The following CACNB1 variants were observed in gnomAD, a reference collection of about 807,000 sequenced individuals.
CACNB1 encodes the protein voltage-dependent L-type calcium channel subunit beta-1.
Under a neutral mutation model 71.6 loss-of-function variants are expected in CACNB1, and 29 were observed. The ratio of observed to expected loss-of-function variants is 0.40; its 90% CI spans 0.30 to 0.55. CACNB1 has a LOEUF of 0.55. CACNB1 is among the 20% of genes least tolerant of loss of function. CACNB1 has a pLI of 0.38. For missense variants in CACNB1, 623 were observed against 801.8 expected (o/e 0.78, Z 2.69); for synonymous variants, 300 against 319.6 (o/e 0.94, Z 0.65).
Position 39,194,993 on chromosome 17 carries a change from A to T in CACNB1, c.85-23T>A, listed in dbSNP as rs748541824. 1.9e-6 allele frequency: 3 copies of T among 1,560,188 alleles called. No individual in the cohort carries two copies. The South Asian group carries it at 3.4e-5, about 18-fold the overall frequency. ...GCCCTGAAGAGGCCAGGAAAGGAACAAGAGTAGAATCAGAAGGGCCCTTTC... is the reference window on the plus strand; with the variant it reads ...GCCCTGAAGAGGCCAGGAAAGGAACTAGAGTAGAATCAGAAGGGCCCTTTC... On this transcript the variant is annotated intron_variant, in intron 1 of 13. Transcript: ENST00000394303. The surrounding 1 kb of genome is among the most constrained non-coding windows in gnomAD (Gnocchi z 4.6).
intron 3 of CACNB1, among the ~76,000 whole-genome samples, chr17:39,190,425 T>G (rs1046513071): frequency 1.3e-5 from 2 of 151,920 alleles, no homozygotes; most frequent in African/African-American, 4.8e-5. Context: ...ATATTTAAAT[T>G]TATTTATTAT....
In CACNB1 at chr17:39,186,226, G is replaced by A. The variant is rs570173756; in HGVS notation, c.628+270C>T. ...GATGGGGAAAAAAGAAAGAAGAAGA[G>A]GTGAATGGAACAGGGCTGGGAGAAA... On this transcript the variant is annotated intron_variant, in intron 6 of 13. Coordinates refer to ENST00000394303, the MANE Select transcript of CACNB1 (RefSeq NM_000723.5). This position sits in a 1 kb window ranked among gnomAD's most constrained non-coding sequence, Gnocchi z 4.1. 3.7e-6 allele frequency: 3 copies of A among 817,412 alleles called. No homozygotes were observed. The highest frequency in any genetic ancestry group is 2.5e-5 in the East Asian group (1 of 39,756). The allele number at this position is 817,412 out of a possible 1,614,324, so 50.6% of individuals were successfully genotyped here.
At chr17:39,193,402 T>G in intron 2 of CACNB1, 1 of 419,208 alleles carries the variant, frequency 2.4e-6, no homozygotes, top group South Asian at 1.6e-5. Flanking sequence ...TCAGCTTTCC[T>G]GAGAGGCTGT....
intron 6 of CACNB1, chr17:39,185,989 G>T: frequency 6.2e-7 from 1 of 1,613,566 alleles, no homozygotes. Context: ...GGGGTGGCGG[G>T]GTGGTGACAC....
At position 39,186,112 on chromosome 17, in the gene CACNB1, G is replaced by A. The variant is rs369154977; in HGVS notation, c.628+384C>T. The stretch of plus-strand genomic sequence containing the variant: ...AGTTAGTCATTTCATTACCTGGACC[G>A]GAGAGTCAGGAGAGAGGGAGGAGGG... On this transcript the variant is annotated intron_variant, in intron 6 of 13. Transcript: ENST00000394303. The surrounding 1 kb of genome is among the most constrained non-coding windows in gnomAD (Gnocchi z 4.1). 1.4e-5 allele frequency: 23 copies of A among 1,612,302 alleles called. No individual in the cohort carries two copies. The highest frequency in any genetic ancestry group is 1.3e-4 in the African/African-American group (10 of 74,858).
Position 39,184,016 on chromosome 17 carries a change from CAGG to C in CACNB1, c.898+12_898+14del. 1 of 1,593,106 alleles carries C rather than the reference CAGG, an allele frequency of 6.3e-7. No homozygotes were observed. Among genetic ancestry groups the C allele is most frequent in the Non-Finnish European group, 8.6e-7 (1 of 1,161,238 alleles). On this transcript the variant is annotated intron_variant, in intron 10 of 13. Coordinates refer to ENST00000394303, the MANE Select transcript of CACNB1 (RefSeq NM_000723.5). ...GCCCAGAAAGGGGGAGTGAAGACAG[CAGG>C]AGTAGGCTCACCCAGGCTGGAGCGT...
At chr17:39,187,018 C>T in intron 4 of CACNB1, 89 bp from the exon 5 acceptor site, 2 of 1,436,418 alleles carry the variant, frequency 1.4e-6, no homozygotes, top group Non-Finnish European at 9.7e-7. Flanking sequence ...AACGCCCAGA[C>T]TCACCTCCCA....
chr17:39,195,900 C>T (rs2046191934), intron 1 of CACNB1, among the ~76,000 whole-genome samples: 1 of 152,130 alleles, frequency 6.6e-6, no homozygotes, highest in Non-Finnish European at 1.5e-5. Context: ...GTCTCAGAGA[C>T]CGGGTGGAGG....
intron 11 of CACNB1, among the ~76,000 whole-genome samples, chr17:39,182,013 T>C (rs988467253): frequency 1.3e-5 from 2 of 151,766 alleles, no homozygotes; most frequent in African/African-American, 2.4e-5. Flanking sequence ...ATATAAAAAT[T>C]AGCCAGGTGT....
In CACNB1 at chr17:39,194,789, G is replaced by A. The variant is rs1230164698; in HGVS notation, c.171+95C>T. 8 of 818,766 alleles carry A rather than the reference G, an allele frequency of 9.8e-6. No individual in the cohort carries two copies. The highest frequency in any genetic ancestry group is 1.6e-5 in the South Asian group (1 of 62,100). 50.7% of individuals were successfully genotyped at this position (818,766 alleles called of 1,614,324 possible). A position where few individuals can be genotyped will look rare whatever the true frequency, so the allele number is the denominator to read the frequency against. ...TCCAGGCAGGTGACAAATGGCACAG[G>A]GAAGGGTGCCTGGACAATACCGCAG... On this transcript the variant is annotated intron_variant, in intron 2 of 13. Coordinates refer to ENST00000394303, the MANE Select transcript of CACNB1 (RefSeq NM_000723.5). This position sits in a 1 kb window ranked among gnomAD's most constrained non-coding sequence, Gnocchi z 4.6.
chr17:39,188,393 G>A (rs1387604732), intron 3 of CACNB1, among the ~76,000 whole-genome samples: 1 of 152,004 alleles, frequency 6.6e-6, no homozygotes, highest in Non-Finnish European at 1.5e-5. Context: ...TAGCCAAGAT[G>A]GTGAAACCCT....
chr17:39,191,994 T>G, intron 2 of CACNB1: 1 of 232,498 alleles, frequency 4.3e-6, no homozygotes, highest in Non-Finnish European at 8.4e-6. Context: ...GTGGCATCCA[T>G]TCCAGGGACT....
Position 39,177,192 on chromosome 17 carries a change from C to T in CACNB1, c.1332+158G>A. Reference sequence around the variant, plus strand: ...GCTCTTCCCTTCCTCCTCCATGTTCCCTGCACTCCAGTTCCGACCCCAGAG... The same window carrying T: ...GCTCTTCCCTTCCTCCTCCATGTTCTCTGCACTCCAGTTCCGACCCCAGAG... On this transcript the variant is annotated intron_variant, in intron 13 of 13. Coordinates refer to ENST00000394303, the MANE Select transcript of CACNB1 (RefSeq NM_000723.5). 2.7e-6 allele frequency: 4 copies of T among 1,486,018 alleles called. No homozygotes were observed. In the South Asian group the frequency reaches 5.4e-5, roughly 20 times the overall value. The allele number at this position is 1,486,018 out of a possible 1,614,324, so 92.1% of individuals were successfully genotyped here. A position where few individuals can be genotyped will look rare whatever the true frequency, so the allele number is the denominator to read the frequency against.
At chr17:39,195,334 G>A (rs1021345945) in intron 1 of CACNB1, 3 of 188,730 alleles carry the variant, frequency 1.6e-5, no homozygotes, top group African/African-American at 7.0e-5. Flanking sequence ...TCCGAGGAAG[G>A]GAGAGGCAGC....
At chr17:39,188,047 C>T (rs936149760) in intron 3 of CACNB1, among the ~76,000 whole-genome samples, 1 of 149,414 alleles carries the variant, frequency 6.7e-6, no homozygotes, top group African/African-American at 2.5e-5. Context: ...TGTATACTGA[C>T]ACTTTGGGAG....
chr17:39,186,342 T>G lies in CACNB1; in HGVS notation c.628+154A>C, dbSNP rs1324781627. The stretch of plus-strand genomic sequence containing the variant: ...GACATGACAGGCCCAGCTTGAGGGG[T>G]AGCCTACTCTTCATGGAGGGGGAAC... On this transcript the variant is annotated intron_variant, in intron 6 of 13. Transcript: ENST00000394303. This position sits in a 1 kb window ranked among gnomAD's most constrained non-coding sequence, Gnocchi z 4.1. 1.6e-6 allele frequency: 1 copy of G among 641,256 alleles called. No individual in the cohort carries two copies. The highest frequency in any genetic ancestry group is 2.7e-5 in the East Asian group (1 of 36,492). 39.7% of individuals were successfully genotyped at this position (641,256 alleles called of 1,614,324 possible).
chr17:39,193,555 C>T, intron 2 of CACNB1: 1 of 415,414 alleles, frequency 2.4e-6, no homozygotes, highest in Non-Finnish European at 4.8e-6. Context: ...GCTCGGGTTA[C>T]AAGCAGAGTT....
In CACNB1 at chr17:39,184,870, G is replaced by A. The variant is rs755303801; in HGVS notation, c.649-6C>T. ...TAGGGGGGCACATGCTCTGTCTGGG[G>A]GGGGAAGCAGGGAGGGGAAACCCCA... On this transcript the variant is annotated splice_polypyrimidine_tract_variant and splice_region_variant and intron_variant, in intron 7 of 13. Coordinates refer to ENST00000394303, the MANE Select transcript of CACNB1 (RefSeq NM_000723.5). The A allele has an allele frequency of 9.2e-6, 14 of 1,527,264 alleles. No individual in the cohort carries two copies. Among genetic ancestry groups the A allele is most frequent in the African/African-American group, 1.4e-5 (1 of 73,268 alleles). 94.6% of individuals were successfully genotyped at this position (1,527,264 alleles called of 1,614,324 possible).
chr17:39,197,311 G>C (rs938599850), intron 1 of CACNB1, 101 bp downstream of exon 1: 19 of 632,228 alleles, frequency 3.0e-5, no homozygotes, highest in South Asian at 2.4e-4. Context: ...TCTCCTCCGC[G>C]CCCGGCATAT....
Sources: allele counts gnomAD v4.1 joint callset (sites outside exome capture counted in the v4.1 genomes callset), GRCh38; gene constraint gnomAD v4.1.1; non-coding constraint Gnocchi (gnomAD v3.1); transcripts MANE v1.5; gene names NCBI Gene and HGNC (gene_info 2026-07-23, HGNC 2026-07-21).